Variants in RAB14 observed in about 807,000 individuals in gnomAD.
RAB14 encodes ras-related protein Rab-14.
In RAB14, 3 loss-of-function variants were observed where a neutral mutation model predicts 31.1. The ratio of observed to expected loss-of-function variants is 0.10; its 90% CI spans 0.04 to 0.25. The LOEUF is 0.25. RAB14 is among the 10% of genes least tolerant of loss of function. RAB14 has a pLI of 1.00. For synonymous variants in RAB14, 85 were observed against 84.9 expected, an observed-to-expected ratio of 1.00 and a Z score of 0.00; for missense variants, 111 against 260.1, an observed-to-expected ratio of 0.43 and a Z score of 3.94.
At chr9:121,201,028 G>A (rs79143346) in intron 1 of RAB14, among the ~76,000 whole-genome samples, 1 of 152,070 alleles carries the variant, frequency 6.6e-6, no homozygotes, top group African/African-American at 2.4e-5. Context: ...CCAAAACCAG[G>A]ACATCGCAAG....
chr9:121,187,654 T>C lies in RAB14; in HGVS notation c.285-635A>G, dbSNP rs183689485. Among the ~76,000 whole-genome samples, 158 of 152,198 alleles carry C rather than the reference T, an allele frequency of 1.0e-3. 1 individual carries two copies. Among genetic ancestry groups the C allele is most frequent in the Non-Finnish European group, 1.9e-3 (131 of 67,944 alleles). Reference sequence around the variant, plus strand: ...TCTTATCTATCAGGCAGCTAAATTATTCTGGAATTCTAACTGCCCAAGCAA... The same window carrying C: ...TCTTATCTATCAGGCAGCTAAATTACTCTGGAATTCTAACTGCCCAAGCAA... On this transcript the variant is annotated intron_variant, in intron 4 of 7. Transcript: ENST00000373840.
chr9:121,199,870 GC>G (rs1409184286), intron 1 of RAB14, among the ~76,000 whole-genome samples: 1 of 152,076 alleles, frequency 6.6e-6, no homozygotes, highest in Non-Finnish European at 1.5e-5. Flanking sequence ...TAGAATTAAG[GC>G]CCAGGTTTAA....
intron 5 of RAB14, among the ~76,000 whole-genome samples, chr9:121,185,907 T>C (rs1287590667): frequency 6.6e-6 from 1 of 152,126 alleles, no homozygotes; most frequent in Non-Finnish European, 1.5e-5. Context: ...ACCTTGGGTT[T>C]AATGCGATAA....
intron 5 of RAB14, among the ~76,000 whole-genome samples, chr9:121,185,926 A>G (rs2132023411): frequency 6.6e-6 from 1 of 152,286 alleles, no homozygotes; most frequent in Non-Finnish European, 1.5e-5. Context: ...AATGGAAATG[A>G]AAGTTTCAGG....
intron 5 of RAB14, among the ~76,000 whole-genome samples, chr9:121,184,490 G>C (rs1370991587): frequency 6.6e-6 from 1 of 152,116 alleles, no homozygotes; most frequent in African/African-American, 2.4e-5. Flanking sequence ...ACACCAACTG[G>C]TAAAATCCTT....
intron 1 of RAB14, among the ~76,000 whole-genome samples, chr9:121,200,862 A>G (rs1219794826): frequency 1.3e-5 from 2 of 152,204 alleles, no homozygotes; most frequent in East Asian, 3.9e-4. Flanking sequence ...GTACAAAAAT[A>G]CATAAATATG....
At chr9:121,186,662 T>A (rs888996945) in intron 5 of RAB14, among the ~76,000 whole-genome samples, 6 of 152,146 alleles carry the variant, frequency 3.9e-5, no homozygotes, top group African/African-American at 1.4e-4. Flanking sequence ...TTAATGCAGA[T>A]CCCTTTTAAA....
chr9:121,179,410 C>A lies in RAB14; in HGVS notation c.*1986G>T, dbSNP rs2053620478. 1 of 152,572 alleles carries A rather than the reference C, an allele frequency of 6.6e-6. No individual in the cohort carries two copies. The allele number at this position is 152,572 out of a possible 1,614,324, so 9.5% of individuals were successfully genotyped here. On this transcript the variant is annotated 3_prime_UTR_variant, in exon 8 of 8. Transcript: ENST00000373840. Reference sequence around the variant, plus strand: ...TCCTTCAGTCACAAAAACAATAAAACCCACTGTAACTAACTTTGGGAGTCA... The same window carrying A: ...TCCTTCAGTCACAAAAACAATAAAAACCACTGTAACTAACTTTGGGAGTCA...
At chr9:121,199,327 T>C (rs2053736961) in intron 1 of RAB14, among the ~76,000 whole-genome samples, 1 of 152,220 alleles carries the variant, frequency 6.6e-6, no homozygotes, top group African/African-American at 2.4e-5. Context: ...TGTATATATT[T>C]AAAATTGTCT....
chr9:121,201,444 C>T (rs543464239), intron 1 of RAB14, among the ~76,000 whole-genome samples, 195 bp downstream of exon 1: 13 of 152,058 alleles, frequency 8.5e-5, no homozygotes, highest in African/African-American at 3.1e-4. Flanking sequence ...CACCTCCGCC[C>T]CCGCCCAGGA....
At chr9:121,191,836 T>A (rs929131716) in intron 3 of RAB14, among the ~76,000 whole-genome samples, 8 of 152,178 alleles carry the variant, frequency 5.3e-5, no homozygotes, top group Non-Finnish European at 8.8e-5. Context: ...TAACAAATGA[T>A]ACATGCAGCA....
intron 4 of RAB14, among the ~76,000 whole-genome samples, chr9:121,189,414 G>A (rs935802743): frequency 3.3e-5 from 5 of 151,988 alleles, no homozygotes; most frequent in African/African-American, 7.3e-5. Flanking sequence ...CTGCGTAGGC[G>A]GCCAGGTTTA....
intron 1 of RAB14, among the ~76,000 whole-genome samples, chr9:121,201,066 C>A (rs1014998357): frequency 3.9e-5 from 6 of 152,018 alleles, no homozygotes; most frequent in African/African-American, 1.4e-4. Flanking sequence ...AGACCCCGGC[C>A]CCGGCCCGGC....
chr9:121,201,038 G>A (rs1463840857), intron 1 of RAB14, among the ~76,000 whole-genome samples: 2 of 151,980 alleles, frequency 1.3e-5, no homozygotes, highest in Non-Finnish European at 1.5e-5. Context: ...GACATCGCAA[G>A]CACAGGCGCA....
intron 6 of RAB14, 84 bp downstream of exon 6, chr9:121,183,215 AAAAAAAAAATGC>A: frequency 8.9e-6 from 6 of 675,748 alleles, no homozygotes; most frequent in Non-Finnish European, 1.4e-5. Flanking sequence ...GTCTGCATTT[AAAAAAAAAATGC>A]AAAAAAAAAC....
rs545595802 is a variant in RAB14 at position 121,179,657 on chromosome 9, TAAAC to T, written c.*1735_*1738del. 1.6e-3 allele frequency: 240 copies of T among 152,786 alleles called. No homozygotes were observed. Among genetic ancestry groups the T allele is most frequent in the Non-Finnish European group, 2.4e-3 (162 of 68,028 alleles). 9.5% of individuals were successfully genotyped at this position (152,786 alleles called of 1,614,324 possible). A position where few individuals can be genotyped will look rare whatever the true frequency, so the allele number is the denominator to read the frequency against. ...CCAGAAATCTTATTTTTTAAAAAGT[TAAAC>T]AAAGACAAAAATAAAAATGAATCCA... is the stretch of plus-strand genomic sequence containing the variant. On this transcript the variant is annotated 3_prime_UTR_variant, in exon 8 of 8. Coordinates refer to ENST00000373840, the MANE Select transcript of RAB14 (RefSeq NM_016322.4).
chr9:121,190,833 T>A, intron 3 of RAB14, 102 bp from the exon 4 acceptor site: 2 of 1,130,944 alleles, frequency 1.8e-6, no homozygotes, highest in Non-Finnish European at 2.5e-6. Context: ...TACTAATACT[T>A]ACAGGCTATA....
intron 1 of RAB14, among the ~76,000 whole-genome samples, chr9:121,198,982 T>C (rs1346579698): frequency 6.6e-6 from 1 of 152,228 alleles, no homozygotes; most frequent in Non-Finnish European, 1.5e-5. Flanking sequence ...ATGTCACTTT[T>C]ATATAAATAA....
chr9:121,197,013 A>G (rs2053721112), intron 1 of RAB14, among the ~76,000 whole-genome samples: 1 of 152,180 alleles, frequency 6.6e-6, no homozygotes, highest in Non-Finnish European at 1.5e-5. Context: ...AAGTTTGTAA[A>G]TGGTAGACCT....
Sources: gnomAD v4.1 joint callset for allele counts (sites outside exome capture counted in the v4.1 genomes callset) on GRCh38, gnomAD v4.1.1 for gene constraint, MANE v1.5 for transcripts, NCBI Gene and HGNC (gene_info 2026-07-23, HGNC 2026-07-21) for gene names.